GALNT13: variants seen among roughly 807,000 people sequenced by gnomAD.
The protein encoded by GALNT13 is UDP-GalNAc:polypeptide N-acetylgalactosaminyltransferase 13.
GALNT13 carries 28 observed loss-of-function variants against 64.2 expected under a neutral mutation model. That is an observed-to-expected ratio of 0.44 (90% CI 0.32 to 0.60). The LOEUF (loss-of-function observed/expected upper bound fraction) is 0.60, where lower values mean the gene tolerates loss of function less well. Ranked by LOEUF, GALNT13 falls within the 20% of genes least tolerant of loss-of-function variation. GALNT13 has a pLI of 0.05. For synonymous variants in GALNT13, 214 were observed against 224.6 expected (o/e 0.95, Z 0.42); for missense variants, 577 against 669.8 (o/e 0.86, Z 1.53).
the GALNT13 span, among the ~76,000 whole-genome samples, chr2:153,730,503 G>A: frequency 6.6e-6 from 1 of 151,278 alleles, no homozygotes; most frequent in African/African-American, 2.4e-5. Context: ...GAAATCACAG[G>A]GATAATTTAT....
At chr2:153,338,601 A>G in the GALNT13 span, among the ~76,000 whole-genome samples, 2 of 152,148 alleles carry the variant, frequency 1.3e-5, no homozygotes, top group Admixed American at 1.3e-4. Flanking sequence ...GCATTACCTC[A>G]CATATTTATA....
the GALNT13 span, among the ~76,000 whole-genome samples, chr2:153,158,503 A>G: frequency 2.6e-5 from 4 of 152,198 alleles, no homozygotes; most frequent in Non-Finnish European, 5.9e-5. Flanking sequence ...AAATTAGTCT[A>G]TTCCTGGACT....
At chr2:153,850,149 AG>A in the GALNT13 span, among the ~76,000 whole-genome samples, 1 of 151,192 alleles carries the variant, frequency 6.6e-6, no homozygotes, top group African/African-American at 2.4e-5. Context: ...ACTGCACTCC[AG>A]CCTGGGAGAC....
chr2:153,306,511 TAC>T, the GALNT13 span, among the ~76,000 whole-genome samples: 12 of 152,226 alleles, frequency 7.9e-5, no homozygotes, highest in Admixed American at 6.5e-4. Context: ...CATTCATATT[TAC>T]AGTTTCCTTT....
At chr2:153,778,716 A>G in the GALNT13 span, among the ~76,000 whole-genome samples, 4 of 152,362 alleles carry the variant, frequency 2.6e-5, no homozygotes, top group South Asian at 6.2e-4. Context: ...AATCTCTATT[A>G]TAATCTCAAC....
At chr2:153,354,703 A>AT in the GALNT13 span, among the ~76,000 whole-genome samples, 1 of 152,088 alleles carries the variant, frequency 6.6e-6, no homozygotes, top group East Asian at 1.9e-4. Flanking sequence ...CCAACCCAGC[A>AT]TTTTTTGGTC....
the GALNT13 span, among the ~76,000 whole-genome samples, chr2:153,400,700 A>C: frequency 2.6e-5 from 4 of 152,114 alleles, no homozygotes; most frequent in African/African-American, 7.2e-5. Context: ...TAGATTTTGT[A>C]GTTTATTTGC....
chr2:153,261,263 G>T, the GALNT13 span, among the ~76,000 whole-genome samples: 8 of 152,048 alleles, frequency 5.3e-5, no homozygotes, highest in Non-Finnish European at 1.0e-4. Context: ...TGATGCTTAT[G>T]GATGTTTGGC....
At chr2:153,883,459 AT>A (rs575680593) in intron 1 of GALNT13, among the ~76,000 whole-genome samples, 11 of 152,078 alleles carry the variant, frequency 7.2e-5, no homozygotes, top group Non-Finnish European at 1.3e-4. Context: ...TCAGGGTAGA[AT>A]TAAGACATTT....
chr2:153,206,492 C>T, the GALNT13 span, among the ~76,000 whole-genome samples: 3 of 152,056 alleles, frequency 2.0e-5, no homozygotes, highest in South Asian at 6.2e-4. Flanking sequence ...AACCTATTGT[C>T]TGTTTAGTTC....
intron 3 of GALNT13, among the ~76,000 whole-genome samples, chr2:154,046,580 G>A (rs1574405281): frequency 1.3e-5 from 2 of 152,112 alleles, no homozygotes; most frequent in Non-Finnish European, 2.9e-5. Context: ...ATATGCTGTG[G>A]TCTAAACTGT....
chr2:154,429,831 A>G (rs1700634285), intron 11 of GALNT13, among the ~76,000 whole-genome samples: 1 of 152,168 alleles, frequency 6.6e-6, no homozygotes, highest in Admixed American at 6.6e-5. Context: ...ATGTTCATTT[A>G]TTTACCATTC....
At chr2:153,251,506 C>G in the GALNT13 span, among the ~76,000 whole-genome samples, 513 of 151,952 alleles carry the variant, frequency 3.4e-3, 3 homozygotes, top group African/African-American at 0.012. Context: ...TTTTAGAGTA[C>G]ATGTGCACAA....
At chr2:153,164,283 T>C in the GALNT13 span, among the ~76,000 whole-genome samples, 1 of 152,194 alleles carries the variant, frequency 6.6e-6, no homozygotes. Context: ...TGTTTATTCT[T>C]CTAGAAAAAA....
At chr2:153,501,492 C>T in the GALNT13 span, among the ~76,000 whole-genome samples, 875 of 152,146 alleles carry the variant, frequency 5.8e-3, 5 homozygotes, top group Middle Eastern at 0.01. Flanking sequence ...CCACCATGCC[C>T]GGTTAATTTT....
chr2:154,110,531 T>C (rs564283997), intron 3 of GALNT13, among the ~76,000 whole-genome samples: 14 of 151,218 alleles, frequency 9.3e-5, no homozygotes, highest in Non-Finnish European at 1.8e-4. Flanking sequence ...AGTCCGATGT[T>C]CGAGGGCAGA....
At chr2:154,145,048 T>TTTC (rs371819654) in intron 4 of GALNT13, among the ~76,000 whole-genome samples, 12 of 106,674 alleles carry the variant, frequency 1.1e-4, no homozygotes, top group African/African-American at 3.8e-4. Flanking sequence ...ATTTATGTAG[T>TTTC]TCTCTCTCTC....
chr2:153,340,060 T>G, the GALNT13 span, among the ~76,000 whole-genome samples: 1 of 152,204 alleles, frequency 6.6e-6, no homozygotes, highest in Non-Finnish European at 1.5e-5. Context: ...TCTTCCTGCT[T>G]AAGATTGCTT....
At chr2:154,193,306 A>G (rs1465282116) in intron 4 of GALNT13, among the ~76,000 whole-genome samples, 1 of 152,190 alleles carries the variant, frequency 6.6e-6, no homozygotes, top group East Asian at 1.9e-4. Context: ...TGATATCTCT[A>G]GCTGCTTAGT....
Sources: allele counts gnomAD v4.1 joint callset (sites outside exome capture counted in the v4.1 genomes callset), GRCh38; gene constraint gnomAD v4.1.1; transcripts MANE v1.5; gene names NCBI Gene and HGNC (gene_info 2026-07-23, HGNC 2026-07-21).